The following TBCA variants were observed in gnomAD, a reference collection of about 807,000 sequenced individuals.
The protein encoded by TBCA is tubulin-specific chaperone A.
TBCA carries 6 observed loss-of-function variants against 15.8 expected under a neutral mutation model. The ratio of observed to expected loss-of-function variants is 0.38; its 90% CI spans 0.21 to 0.75. The LOEUF (loss-of-function observed/expected upper bound fraction) is 0.75. Among genes scored for constraint, TBCA ranks in the 30% least tolerant of loss-of-function variants. The pLI is 0.46. For synonymous variants in TBCA, 32 were observed against 42.3 expected (o/e 0.76, Z 0.94); for missense variants, 90 against 131.2 (o/e 0.69, Z 1.53).
intron 1 of TBCA, among the ~76,000 whole-genome samples, chr5:77,739,039 T>G (rs746423748): frequency 3.4e-4 from 52 of 152,236 alleles, no homozygotes; most frequent in Non-Finnish European, 5.9e-4. Context: ...AATATCACAG[T>G]GCATCATAAG....
intron 3 of TBCA, 199 bp from the exon 4 acceptor site, chr5:77,691,697 G>A: frequency 1.5e-6 from 2 of 1,317,578 alleles, no homozygotes; most frequent in Admixed American, 3.9e-5. Flanking sequence ...AGAAATAACT[G>A]GTGGTTTTGT....
chr5:77,751,956 A>T (rs1747353191), intron 1 of TBCA, among the ~76,000 whole-genome samples: 1 of 152,056 alleles, frequency 6.6e-6, no homozygotes, highest in Admixed American at 6.5e-5. Context: ...AGATCAGATG[A>T]GCCAGTTTAT....
chr5:77,774,592 C>G (rs569195051), intron 1 of TBCA, among the ~76,000 whole-genome samples: 1 of 152,202 alleles, frequency 6.6e-6, no homozygotes, highest in Non-Finnish European at 1.5e-5. Flanking sequence ...CTGTCCCCAG[C>G]CCGCTTTGGG....
chr5:77,773,678 G>A (rs254421), intron 1 of TBCA, among the ~76,000 whole-genome samples: 33,802 of 152,180 alleles, frequency 0.22, 4,606 homozygotes, highest in Non-Finnish European at 0.31. Flanking sequence ...TTCCCGGGAA[G>A]TGGGATGCTG....
chr5:77,715,369 C>T, intron 1 of TBCA: 1 of 684,542 alleles, frequency 1.5e-6, no homozygotes, highest in Non-Finnish European at 2.6e-6. Context: ...GCCTGAAAAA[C>T]AATCAGTCTA....
intron 1 of TBCA, among the ~76,000 whole-genome samples, chr5:77,765,039 T>C (rs1242429337): frequency 6.6e-6 from 1 of 152,132 alleles, no homozygotes; most frequent in Non-Finnish European, 1.5e-5. Flanking sequence ...CAATGTACAA[T>C]GTTAGCAAAA....
intron 2 of TBCA, among the ~76,000 whole-genome samples, chr5:77,700,157 A>T (rs1745978660): frequency 6.6e-6 from 1 of 152,052 alleles, no homozygotes; most frequent in Non-Finnish European, 1.5e-5. Flanking sequence ...GTGAGCCGCG[A>T]TCTCCTCACT....
intron 1 of TBCA, among the ~76,000 whole-genome samples, chr5:77,727,179 G>A (rs993888782): frequency 1.4e-5 from 2 of 144,912 alleles, no homozygotes; most frequent in Non-Finnish European, 3.0e-5. Flanking sequence ...GGAGGTTGCA[G>A]TCAGCCAAGA....
At chr5:77,698,260 G>A (rs1745919060) in intron 2 of TBCA, among the ~76,000 whole-genome samples, 2 of 150,744 alleles carry the variant, frequency 1.3e-5, no homozygotes. Context: ...CCGAAATAGA[G>A]GATATCATTA....
At chr5:77,760,703 G>A (rs982166460) in intron 1 of TBCA, among the ~76,000 whole-genome samples, 20 of 152,306 alleles carry the variant, frequency 1.3e-4, no homozygotes, top group South Asian at 6.2e-4. Flanking sequence ...GATTGCAGAC[G>A]GAGTCTCGCT....
chr5:77,700,820 G>A (rs979660667), intron 2 of TBCA, among the ~76,000 whole-genome samples: 1 of 152,148 alleles, frequency 6.6e-6, no homozygotes, highest in Admixed American at 6.6e-5. Flanking sequence ...ATAAAGTGGG[G>A]AAAGGACACC....
chr5:77,768,189 C>G (rs1293892710), intron 1 of TBCA, among the ~76,000 whole-genome samples: 1 of 152,124 alleles, frequency 6.6e-6, no homozygotes, highest in Non-Finnish European at 1.5e-5. Context: ...TATAGCAGCA[C>G]AAATGAACGA....
At chr5:77,742,454 C>T (rs1221678380) in intron 1 of TBCA, among the ~76,000 whole-genome samples, 1 of 152,074 alleles carries the variant, frequency 6.6e-6, no homozygotes, top group Non-Finnish European at 1.5e-5. Context: ...ATTCTACTAA[C>T]TGAATGCTGT....
chr5:77,771,972 G>A, intron 1 of TBCA, among the ~76,000 whole-genome samples: 1 of 151,972 alleles, frequency 6.6e-6, no homozygotes, highest in African/African-American at 2.4e-5. Context: ...CCAAATAAAG[G>A]TTGTGACTTC....
rs745392451 is a variant in TBCA at position 77,776,287 on chromosome 5, C to G, written c.-30G>C. 2.9e-5 allele frequency: 46 copies of G among 1,566,104 alleles called. No homozygotes were observed. The highest frequency in any genetic ancestry group is 3.9e-5 in the Non-Finnish European group (45 of 1,156,412). On this transcript the variant is annotated 5_prime_UTR_variant, in exon 1 of 4. Coordinates refer to ENST00000380377, the MANE Select transcript of TBCA (RefSeq NM_004607.3). Reference sequence around the variant, plus strand: ...CCTCGAGCGCCGCGAGAAGGAGGGGCGGAGAGCCGGGGTAACCGTGGAGGG... The same window carrying G: ...CCTCGAGCGCCGCGAGAAGGAGGGGGGGAGAGCCGGGGTAACCGTGGAGGG...
At chr5:77,711,572 A>C (rs1746278600) in intron 1 of TBCA, among the ~76,000 whole-genome samples, 1 of 152,224 alleles carries the variant, frequency 6.6e-6, no homozygotes, top group Non-Finnish European at 1.5e-5. Context: ...ACTGTCTTTT[A>C]ACATTTTCAA....
chr5:77,715,338 A>T, intron 1 of TBCA: 1 of 700,994 alleles, frequency 1.4e-6, no homozygotes, highest in Non-Finnish European at 2.6e-6. Context: ...AATACATCCC[A>T]AGGTTAACAC....
intron 1 of TBCA, among the ~76,000 whole-genome samples, chr5:77,721,335 T>G (rs1392627975): frequency 1.3e-5 from 2 of 152,164 alleles, no homozygotes. Context: ...ATATGTAATG[T>G]GTTTATGCAG....
At chr5:77,735,166 A>T (rs978923254) in intron 1 of TBCA, among the ~76,000 whole-genome samples, 1 of 152,222 alleles carries the variant, frequency 6.6e-6, no homozygotes, top group Admixed American at 6.5e-5. Context: ...TAGATTTTAC[A>T]TATTATGAAG....
Sources: allele counts gnomAD v4.1 joint callset (sites outside exome capture counted in the v4.1 genomes callset), GRCh38; gene constraint gnomAD v4.1.1; transcripts MANE v1.5; gene names NCBI Gene and HGNC (gene_info 2026-07-23, HGNC 2026-07-21).